SHISA9: variants seen among roughly 807,000 people sequenced by gnomAD.
The protein encoded by SHISA9 is protein shisa-9.
SHISA9 carries 13 observed loss-of-function variants against 38.0 expected under a neutral mutation model. That is an observed-to-expected ratio of 0.34 (90% confidence interval 0.22 to 0.54). SHISA9 has a LOEUF of 0.54. Among genes scored for constraint, SHISA9 ranks in the 20% least tolerant of loss-of-function variants. SHISA9 has a pLI of 0.91. For missense variants in SHISA9, 538 were observed against 575.8 expected, an observed-to-expected ratio of 0.93 and a Z score of 0.67; for synonymous variants, 275 against 242.0, an observed-to-expected ratio of 1.14 and a Z score of -1.27.
At chr16:12,985,251 AAAT>A (rs1187327754) in intron 2 of SHISA9, among the ~76,000 whole-genome samples, 3 of 151,590 alleles carry the variant, frequency 2.0e-5, no homozygotes, top group Non-Finnish European at 4.4e-5. Context: ...GTAAATAAAT[AAAT>A]AAATAAATAA....
chr16:13,390,699 T>C, the SHISA9 span, among the ~76,000 whole-genome samples: 2 of 152,340 alleles, frequency 1.3e-5, no homozygotes, highest in South Asian at 4.1e-4. Flanking sequence ...TCATTCACTA[T>C]TATGATTCCC....
chr16:13,301,497 T>C, the SHISA9 span, among the ~76,000 whole-genome samples: 1 of 152,216 alleles, frequency 6.6e-6, no homozygotes, highest in Non-Finnish European at 1.5e-5. Flanking sequence ...CAGCTGCTGG[T>C]GCACAAAAAG....
the SHISA9 span, among the ~76,000 whole-genome samples, chr16:13,262,798 G>T: frequency 6.6e-6 from 1 of 152,060 alleles, no homozygotes; most frequent in Non-Finnish European, 1.5e-5. Flanking sequence ...ATGAAGTATG[G>T]TTTTTGGGGT....
At chr16:13,345,221 T>C in the SHISA9 span, among the ~76,000 whole-genome samples, 1 of 152,170 alleles carries the variant, frequency 6.6e-6, no homozygotes, top group Non-Finnish European at 1.5e-5. Flanking sequence ...TTAAGCCTAA[T>C]ACCCATTAGT....
chr16:13,203,819 C>G (rs532889163), intron 3 of SHISA9, among the ~76,000 whole-genome samples: 45 of 152,214 alleles, frequency 3.0e-4, no homozygotes, highest in African/African-American at 1.1e-3. Context: ...CACCTATTCA[C>G]TTATCCATCT....
intron 2 of SHISA9, among the ~76,000 whole-genome samples, chr16:13,174,752 T>TA (rs2050717067): frequency 6.6e-6 from 1 of 152,038 alleles, no homozygotes; most frequent in Non-Finnish European, 1.5e-5. Context: ...TGCTTCCTGG[T>TA]AAGGGGACCA....
intron 2 of SHISA9, among the ~76,000 whole-genome samples, chr16:12,947,764 A>G (rs1397525539): frequency 6.6e-6 from 1 of 152,216 alleles, no homozygotes; most frequent in Non-Finnish European, 1.5e-5. Context: ...CCTTGAAGGT[A>G]TCAGTGTATA....
At chr16:13,178,811 T>C (rs111716643) in intron 2 of SHISA9, among the ~76,000 whole-genome samples, 46 of 151,616 alleles carry the variant, frequency 3.0e-4, no homozygotes, top group African/African-American at 1.1e-3. Context: ...GCTTGGTCTA[T>C]TTCCAGGTCC....
chr16:12,970,880 T>C (rs1847209366), intron 2 of SHISA9, among the ~76,000 whole-genome samples: 1 of 152,090 alleles, frequency 6.6e-6, no homozygotes, highest in Non-Finnish European at 1.5e-5. Flanking sequence ...GCAGGGATTT[T>C]TATCTATTTC....
intron 2 of SHISA9, among the ~76,000 whole-genome samples, chr16:13,019,929 TTCTTTCTTTC>T (rs2072823142): frequency 2.1e-5 from 2 of 93,570 alleles, no homozygotes; most frequent in Non-Finnish European, 4.8e-5. Flanking sequence ...CTTTCTTTCT[TTCTTTCTTTC>T]TTTCTTTCTT....
At chr16:13,437,281 A>G in the SHISA9 span, among the ~76,000 whole-genome samples, 2 of 152,168 alleles carry the variant, frequency 1.3e-5, no homozygotes, top group Non-Finnish European at 2.9e-5. Flanking sequence ...TTCAAAAAAG[A>G]TGGACATTAA....
chr16:13,358,017 G>T, the SHISA9 span, among the ~76,000 whole-genome samples: 1 of 151,978 alleles, frequency 6.6e-6, no homozygotes. Flanking sequence ...ATACGTGCAG[G>T]TCACAGGGGA....
At chr16:13,474,221 T>C in the SHISA9 span, 1 of 152,224 alleles carries the variant, frequency 6.6e-6, no homozygotes, top group African/African-American at 2.4e-5. Flanking sequence ...TAACAGAATA[T>C]TGGCATGTAG....
chr16:13,184,997 A>T (rs2050808367), intron 2 of SHISA9, among the ~76,000 whole-genome samples: 1 of 152,186 alleles, frequency 6.6e-6, no homozygotes, highest in African/African-American at 2.4e-5. Context: ...TCTAAAAAGA[A>T]ACTATTTTCC....
chr16:12,919,856 T>G (rs1567339182), intron 2 of SHISA9, among the ~76,000 whole-genome samples: 1 of 152,228 alleles, frequency 6.6e-6, no homozygotes, highest in Admixed American at 6.5e-5. Flanking sequence ...CCTCTTTGAT[T>G]AACAGGATGT....
chr16:13,094,268 A>G (rs193248332), intron 2 of SHISA9, among the ~76,000 whole-genome samples: 403 of 152,322 alleles, frequency 2.6e-3, no homozygotes, highest in African/African-American at 9.4e-3. Context: ...ACAGTTGACA[A>G]AACAGGCAAC....
At chr16:13,364,755 G>A in the SHISA9 span, among the ~76,000 whole-genome samples, 1 of 152,164 alleles carries the variant, frequency 6.6e-6, no homozygotes, top group Non-Finnish European at 1.5e-5. Context: ...ATCACTTCTT[G>A]AATAATATGA....
the SHISA9 span, among the ~76,000 whole-genome samples, chr16:13,255,639 C>G: frequency 6.6e-6 from 1 of 152,232 alleles, no homozygotes. Context: ...ACATCTAAAT[C>G]TATTTCCAGT....
intron 2 of SHISA9, among the ~76,000 whole-genome samples, chr16:13,202,237 G>T (rs1430508772): frequency 2.3e-5 from 3 of 129,794 alleles, no homozygotes; most frequent in East Asian, 4.1e-4. Context: ...AGCTCAGAGG[G>T]CAATTCCTTC....
Sources: gnomAD v4.1 joint callset for allele counts (sites outside exome capture counted in the v4.1 genomes callset) on GRCh38, gnomAD v4.1.1 for gene constraint, MANE v1.5 for transcripts, NCBI Gene and HGNC (gene_info 2026-07-23, HGNC 2026-07-21) for gene names.